Variants in TEX13A observed in about 807,000 individuals in gnomAD.
The protein encoded by TEX13A is testis expressed 13A.
A neutral mutation model predicts 7.1 loss-of-function variants in TEX13A; 8 were observed. That is an observed-to-expected ratio of 1.12 (90% CI 0.66 to 2.03). The LOEUF (loss-of-function observed/expected upper bound fraction) is 2.03. TEX13A is among the 30% of genes most tolerant of loss of function. The pLI, the probability that TEX13A is intolerant of heterozygous loss-of-function variation, is 0.00. For missense variants in TEX13A, 362 were observed against 332.2 expected (o/e 1.09, Z -0.70); for synonymous variants, 151 against 134.2 (o/e 1.13, Z -0.87).
In TEX13A at chrX:105,220,243, G is replaced by A. The variant is rs2033942228; in HGVS notation, c.155C>T (p.Ala52Val). ...GGGCACCTCGCTGTCCTCCAGTATGGCCCTCAGCTTGTCTTCCACCTTCTC... is the reference window on the plus strand; with the variant it reads ...GGGCACCTCGCTGTCCTCCAGTATGACCCTCAGCTTGTCTTCCACCTTCTC... ...SWEKVEDKLR[A>V]ILEDSEVPSE... Residue 52 changes from alanine (A) to valine (V), a missense_variant, in exon 2 of 3, where the codon GCC becomes GTC. Coordinates refer to ENST00000600991, the MANE Select transcript of TEX13A (RefSeq NM_031274.5). 8.3e-7 allele frequency: 1 copy of A among 1,211,556 alleles called. No individual in the cohort carries two copies.
Position 105,220,633 on chromosome X carries a change from G to A in TEX13A, c.-71C>T, listed in dbSNP as rs782592290. The A allele has an allele frequency of 2.1e-5, 7 of 331,532 alleles. No homozygotes were observed. Among genetic ancestry groups the A allele is most frequent in the African/African-American group, 1.0e-4 (4 of 38,395 alleles). The allele number at this position is 331,532 out of a possible 1,213,427, so 27.3% of individuals were successfully genotyped here. On this transcript the variant is annotated 5_prime_UTR_variant, in exon 1 of 3. Transcript: ENST00000600991. ...GCCAGAGGAAGTACAGGCCAACCCC[G>A]CTGTCTTAACACGCCCGAAGAGAGA...
At position 105,219,166 on chromosome X, in the gene TEX13A, A is replaced by G. The variant is rs782273513; in HGVS notation, c.1028T>C (p.Leu343Pro). 8.3e-7 allele frequency: 1 copy of G among 1,211,236 alleles called. No individual in the cohort carries two copies. ...TCTGTGGGGCCCCCCATCAGACCAC[A>G]GGCTAGTATCAAAGGCCTCCCAGTC... is the stretch of plus-strand genomic sequence containing the variant. ...PSDWEAFDTS[L>P]WSDGGPHRID... The change falls in exon 3 of 3, where the codon CTG becomes CCG. Residue 343 changes from leucine (L) to proline (P), a missense_variant. Transcript: ENST00000600991.
rs781896237 is a variant in TEX13A, at chrX:105,220,646, G to A, written c.-84C>T. 21 of 303,509 alleles carry A rather than the reference G, an allele frequency of 6.9e-5. No homozygotes were observed. The South Asian group carries it at 2.9e-3, about 41-fold the overall frequency. The allele number at this position is 303,509 out of a possible 1,213,427, so 25.0% of individuals were successfully genotyped here. ...CAGGCCAACCCCGCTGTCTTAACAC[G>A]CCCGAAGAGAGAGGAAGATCTCTCT... On this transcript the variant is annotated 5_prime_UTR_variant, in exon 1 of 3. Transcript: ENST00000600991.
chrX:105,219,384 G>C lies in TEX13A; in HGVS notation c.810C>G (p.Val270=), dbSNP rs1388477620. 1.2e-5 allele frequency: 15 copies of C among 1,208,353 alleles called. 1 individual carries two copies. In the Middle Eastern group the frequency reaches 1.1e-3, roughly 93 times the overall value. ...WGQKEGDLRS[V]ETATSYFSGT... ...CAGAGAAATAAGATGTGGCTGTTTC[G>C]ACCGACCGGAGATCTCCCTCCTTCT... is the stretch of plus-strand genomic sequence containing the variant. Residue 270 remains valine, a synonymous_variant, in exon 3 of 3, where the codon GTC becomes GTG. Transcript: ENST00000600991.
In TEX13A at chrX:105,219,188, A is replaced by T; in HGVS notation, c.1006T>A (p.Trp336Arg). The T allele has an allele frequency of 8.3e-7, 1 of 1,210,410 alleles. No individual in the cohort carries two copies. Among genetic ancestry groups the T allele is most frequent in the Non-Finnish European group, 1.1e-6 (1 of 894,534 alleles). ...APVPPQLPSDWEAFDTSLWSD... is the reference protein window; with the variant it reads ...APVPPQLPSDREAFDTSLWSD... ...CACAGGCTAGTATCAAAGGCCTCCC[A>T]GTCGGAAGGCAGCTGAGGCGGAACT... The change falls in exon 3 of 3, where the codon TGG becomes AGG. Residue 336 changes from tryptophan (W) to arginine (R), a missense_variant. Trp to Arg is a moderately radical substitution (Grantham distance 101, BLOSUM62 -3). Coordinates refer to ENST00000600991, the MANE Select transcript of TEX13A (RefSeq NM_031274.5).
chrX:105,219,449 G>C lies in TEX13A; in HGVS notation c.745C>G (p.Leu249Val). ...EKLERILLQL[L>V]GDADQEKYTY... ...TACTTTTCCTGATCAGCATCTCCAA[G>C]GAGCTGCAGGAGGATTCTCTCCAGC... The change falls in exon 3 of 3, where the codon CTT becomes GTT. Residue 249 changes from leucine (L) to valine (V), a missense_variant. By Grantham distance (32) the Leu-to-Val change is conservative. Transcript: ENST00000600991. The C allele has an allele frequency of 1.7e-6, 2 of 1,209,800 alleles. No homozygotes were observed. The highest frequency in any genetic ancestry group is 2.2e-6 in the Non-Finnish European group (2 of 894,884).
In TEX13A at chrX:105,219,088, T is replaced by C. The variant is rs373628776; in HGVS notation, c.1106A>G (p.Gln369Arg). 18 of 1,209,090 alleles carry C rather than the reference T, an allele frequency of 1.5e-5. No homozygotes were observed. The African/African-American group carries it at 3.2e-4, about 21-fold the overall frequency. ...TGGCCTGCGATATACTGGAGGTCTT[T>C]GCTGATGAGGTTCGGAGTATCTCCT... ...RDRRYSEPHQ[Q>R]RPPVYRRPGD... The change falls in exon 3 of 3, where the codon CAA becomes CGA. Residue 369 changes from glutamine (Q) to arginine (R), a missense_variant. Physicochemically the swap from Gln to Arg is conservative, Grantham distance 43 (BLOSUM62 1). Transcript: ENST00000600991.
intron 2 of TEX13A, 82 bp from the exon 3 acceptor site, chrX:105,219,840 G>A (rs1368119659): frequency 1.9e-6 from 2 of 1,075,919 alleles, no homozygotes; most frequent in African/African-American, 3.7e-5. Context: ...GCTACCAGGT[G>A]GGAAGGGCGG....
chrX:105,220,476 C>G (rs1162577211), intron 1 of TEX13A, 47 bp from the exon 2 acceptor site: 1 of 916,807 alleles, frequency 1.1e-6, no homozygotes, highest in East Asian at 3.4e-5. Context: ...CCCCTTAGCC[C>G]CTCCCCTCAT....
chrX:105,220,535 C>G lies in TEX13A; in HGVS notation c.-33+60G>C, dbSNP rs186710149. The G allele has an allele frequency of 7.2e-3, 4,122 of 569,216 alleles. 26 individuals carry two copies. Among genetic ancestry groups the G allele is most frequent in the Non-Finnish European group, 8.3e-3 (3,174 of 382,847 alleles). The allele number at this position is 569,216 out of a possible 1,213,427, so 46.9% of individuals were successfully genotyped here. A position where few individuals can be genotyped will look rare whatever the true frequency, so the allele number is the denominator to read the frequency against. The stretch of plus-strand genomic sequence containing the variant: ...CCCGCCCTACCCGCTCTGACAAGAC[C>G]GTCCTAATGACCCCCTGACCGGCTT... On this transcript the variant is annotated intron_variant, in intron 1 of 2. Transcript: ENST00000600991.
rs1836316002 is a variant in TEX13A at position 105,219,407 on chromosome X, T to C, written c.787A>G (p.Lys263Glu). The C allele has an allele frequency of 8.3e-7, 1 of 1,210,235 alleles. No individual in the cohort carries two copies. The highest frequency in any genetic ancestry group is 2.3e-4 in the Middle Eastern group (1 of 4,340). Residue 263 changes from lysine to glutamate, a missense_variant, in exon 3 of 3, where the codon AAG (lysine) becomes GAG (glutamate). Transcript: ENST00000600991. ...DQEKYTYWGQKEGDLRSVETA... is the reference protein window; with the variant it reads ...DQEKYTYWGQEEGDLRSVETA... The stretch of plus-strand genomic sequence containing the variant: ...TCGACCGACCGGAGATCTCCCTCCT[T>C]CTGCCCCCAATAGGTGTACTTTTCC...
rs1556173444 is a variant in TEX13A, at chrX:105,219,250, G to A, written c.944C>T (p.Pro315Leu). 5 of 1,210,963 alleles carry A rather than the reference G, an allele frequency of 4.1e-6. No homozygotes were observed. Among genetic ancestry groups the A allele is most frequent in the Non-Finnish European group, 5.6e-6 (5 of 895,074 alleles). The stretch of plus-strand genomic sequence containing the variant: ...TGTTGCTTGTGGAGGGGATATAGTG[G>A]GTATGTCTGAGAAGGAGGAAAAAGG... Reference protein sequence around the residue: ...SSPFSSFSDIPTISPPQATVT... With the variant: ...SSPFSSFSDILTISPPQATVT... Residue 315 changes from proline to leucine, a missense_variant, in exon 3 of 3, where the codon CCC (proline) becomes CTC (leucine). Pro to Leu is a moderately conservative substitution (Grantham distance 98). Transcript: ENST00000600991.
In TEX13A at chrX:105,218,997, A is replaced by G. The variant is rs2033901556; in HGVS notation, c.1197T>C (p.Cys399=). Residue 399 remains cysteine, a synonymous_variant, in exon 3 of 3, where the codon TGT becomes TGC. Coordinates refer to ENST00000600991, the MANE Select transcript of TEX13A (RefSeq NM_031274.5). ...GTTTTTGCAGCCAGATTCCCTTCCC[A>G]CAGTCGAAGCAAGTATCCCTCCGTG... ...NFSRRDTCFD[C]GKGIWLQKPH The G allele has an allele frequency of 8.3e-7, 1 of 1,209,204 alleles. No individual in the cohort carries two copies. The highest frequency in any genetic ancestry group is 1.1e-6 in the Non-Finnish European group (1 of 894,347).
chrX:105,219,419 A>G lies in TEX13A; in HGVS notation c.775T>C (p.Tyr259His), dbSNP rs1453902900. 1 of 1,206,859 alleles carries G rather than the reference A, an allele frequency of 8.3e-7. No homozygotes were observed. Among genetic ancestry groups the G allele is most frequent in the African/African-American group, 1.8e-5 (1 of 56,197 alleles). ...LGDADQEKYT[Y>H]WGQKEGDLRS... ...AGATCTCCCTCCTTCTGCCCCCAAT[A>G]GGTGTACTTTTCCTGATCAGCATCT... is the stretch of plus-strand genomic sequence containing the variant. The change falls in exon 3 of 3, where the codon TAT (tyrosine) becomes CAT (histidine). Residue 259 changes from tyrosine (Y) to histidine (H), a missense_variant. By Grantham distance (83) the Tyr-to-His change is moderately conservative (BLOSUM62 2). Coordinates refer to ENST00000600991, the MANE Select transcript of TEX13A (RefSeq NM_031274.5).
rs938856840 is a variant in TEX13A at position 105,219,654 on chromosome X, C to T, written c.540G>A (p.Ala180=). 6 of 1,210,364 alleles carry T rather than the reference C, an allele frequency of 5.0e-6. No individual in the cohort carries two copies. The highest frequency in any genetic ancestry group is 6.7e-6 in the Non-Finnish European group (6 of 895,221). ...TEGAAEEEEE[A]AVAAAGAAGG... The stretch of plus-strand genomic sequence containing the variant: ...CAGCAGCACCAGCAGCAGCCACCGC[C>T]GCCTCTTCTTCCTCCTCAGCTGCTC... The change falls in exon 3 of 3, where the codon GCG becomes GCA. Residue 180 remains alanine, a synonymous_variant. Coordinates refer to ENST00000600991, the MANE Select transcript of TEX13A (RefSeq NM_031274.5).
rs782628378 is a variant in TEX13A, at chrX:105,220,014, C to T, written c.384G>A (p.Arg128=). ...CGAGGCTGGTCTGGGCCATTCTTAG[C>T]CGGGAGGCCGCCTCCTTGCGTTCCG... ...QETERKEAAS[R]LRMAQTSLVE... is the part of the protein sequence containing the mutation. Residue 128 remains arginine (R), a synonymous_variant, in exon 2 of 3, where the codon CGG becomes CGA. Transcript: ENST00000600991. 1.7e-6 allele frequency: 2 copies of T among 1,210,576 alleles called. No individual in the cohort carries two copies. The highest frequency in any genetic ancestry group is 1.8e-5 in the South Asian group (1 of 56,900).
Position 105,219,157 on chromosome X carries a change from T to A in TEX13A, c.1037A>T (p.Asp346Val), listed in dbSNP as rs2033906824. The change falls in exon 3 of 3, where the codon GAT (aspartate) becomes GTT (valine). Residue 346 changes from aspartate (D) to valine (V), a missense_variant. Coordinates refer to ENST00000600991, the MANE Select transcript of TEX13A (RefSeq NM_031274.5). The stretch of plus-strand genomic sequence containing the variant: ...ATGGTCTATTCTGTGGGGCCCCCCA[T>A]CAGACCACAGGCTAGTATCAAAGGC... Reference protein sequence around the residue: ...WEAFDTSLWSDGGPHRIDHQE... With the variant: ...WEAFDTSLWSVGGPHRIDHQE... 8.3e-7 allele frequency: 1 copy of A among 1,211,052 alleles called. No homozygotes were observed. The highest frequency in any genetic ancestry group is 2.2e-5 in the Admixed American group (1 of 45,972).
At position 105,220,597 on chromosome X, in the gene TEX13A, C is replaced by T. The variant is rs1200248568; in HGVS notation, c.-35G>A. 3.5e-5 allele frequency: 13 copies of T among 366,718 alleles called. No homozygotes were observed. Among genetic ancestry groups the T allele is most frequent in the Non-Finnish European group, 5.1e-5 (11 of 214,584 alleles). The allele number at this position is 366,718 out of a possible 1,213,427, so 30.2% of individuals were successfully genotyped here. ...GGACACCTCCCACCAGGCCTCACCT[C>T]TTCAGCCAGGGCCAGAGGAAGTACA... On this transcript the variant is annotated splice_region_variant and 5_prime_UTR_variant, in exon 1 of 3. Transcript: ENST00000600991.
Position 105,219,429 on chromosome X carries a change from T to C in TEX13A, c.765A>G (p.Glu255=). ...LLQLLGDADQ[E]KYTYWGQKEG... Reference sequence around the variant, plus strand: ...CCTTCTGCCCCCAATAGGTGTACTTTTCCTGATCAGCATCTCCAAGGAGCT... The same window carrying C: ...CCTTCTGCCCCCAATAGGTGTACTTCTCCTGATCAGCATCTCCAAGGAGCT... Residue 255 remains glutamate (E), a synonymous_variant, in exon 3 of 3, where the codon GAA becomes GAG. Coordinates refer to ENST00000600991, the MANE Select transcript of TEX13A (RefSeq NM_031274.5). 8.3e-7 allele frequency: 1 copy of C among 1,210,110 alleles called. No individual in the cohort carries two copies. The highest frequency in any genetic ancestry group is 1.1e-6 in the Non-Finnish European group (1 of 894,975).
Sources: allele counts gnomAD v4.1 joint callset, GRCh38; gene constraint gnomAD v4.1.1; transcripts MANE v1.5; gene names NCBI Gene and HGNC (gene_info 2026-07-23, HGNC 2026-07-21).